PLAGL2: variants seen among roughly 807,000 people sequenced by gnomAD.
PLAGL2 encodes zinc finger protein PLAGL2.
Under a neutral mutation model 29.0 loss-of-function variants are expected in PLAGL2, and 7 were observed. That is an observed-to-expected ratio of 0.24 (90% CI 0.14 to 0.45). The LOEUF (loss-of-function observed/expected upper bound fraction) is 0.45. PLAGL2 is among the 20% of genes least tolerant of loss of function. The pLI is 0.99. For missense variants in PLAGL2, 454 were observed against 648.2 expected (o/e 0.70, Z 3.25); for synonymous variants, 234 against 266.0 (o/e 0.88, Z 1.17).
In PLAGL2 at chr20:32,196,434, T is replaced by TGAG; in HGVS notation, c.*15_*17dup. 4.1e-6 allele frequency: 6 copies of TGAG among 1,452,880 alleles called. No homozygotes were observed. Among genetic ancestry groups the TGAG allele is most frequent in the Non-Finnish European group, 5.4e-6 (6 of 1,101,046 alleles). 90.0% of individuals were successfully genotyped at this position (1,452,880 alleles called of 1,614,324 possible). On this transcript the variant is annotated 3_prime_UTR_variant, in exon 3 of 3. Transcript: ENST00000246229. ...TCCATAACAGAGCCAAAAACTGAGC[T>TGAG]GAGGGCCTCTGTGGGGGCTACTGGA...
In PLAGL2 at chr20:32,197,674, G is replaced by T. The variant is rs760510966; in HGVS notation, c.269C>A (p.Ala90Asp). 8 of 1,613,004 alleles carry T rather than the reference G, an allele frequency of 5.0e-6. No individual in the cohort carries two copies. In the African/African-American group the frequency reaches 1.1e-4, roughly 22 times the overall value. ...ASKYKLYRHMATHSAQKPHQC... is the reference protein window; with the variant it reads ...ASKYKLYRHMDTHSAQKPHQC... The stretch of plus-strand genomic sequence containing the variant: ...GTGGGGTTTCTGGGCTGAGTGGGTG[G>T]CCATGTGCCTGGGGGTAGAGACAGG... The change falls in exon 3 of 3, where the codon GCC (alanine) becomes GAC (aspartate). Residue 90 changes from alanine to aspartate, a missense_variant. By Grantham distance (126) the Ala-to-Asp change is moderately radical (BLOSUM62 -2). Around this residue, in one of 4 missense-constraint regions of PLAGL2, gnomAD observed 111 missense variants for 173.1 expected, o/e 0.64. Coordinates refer to ENST00000246229, the MANE Select transcript of PLAGL2 (RefSeq NM_002657.3). The surrounding 1 kb of genome is among the most constrained non-coding windows in gnomAD (Gnocchi z 6.6).
chr20:32,203,987 G>T (rs2047273081), intron 1 of PLAGL2, among the ~76,000 whole-genome samples: 1 of 152,152 alleles, frequency 6.6e-6, no homozygotes, highest in Admixed American at 6.5e-5. Flanking sequence ...ATATGTGCCT[G>T]CTTCACTATA....
In PLAGL2 at chr20:32,202,088, C is replaced by T; in HGVS notation, c.91G>A (p.Gly31Ser). 6.2e-7 allele frequency: 1 copy of T among 1,614,226 alleles called. No homozygotes were observed. The highest frequency in any genetic ancestry group is 8.5e-7 in the Non-Finnish European group (1 of 1,180,032). Residue 31 changes from glycine (G) to serine (S), a missense_variant, in exon 2 of 3, where the codon GGC becomes AGC. By Grantham distance (56) the Gly-to-Ser change is moderately conservative (BLOSUM62 0). Around this residue, in one of 4 missense-constraint regions of PLAGL2, gnomAD observed 89 missense variants for 90.4 expected, o/e 0.98. Transcript: ENST00000246229. The stretch of plus-strand genomic sequence containing the variant: ...TTCACTTGACTCTCCGCCTCCCGGC[C>T]CCGAGGCCTGGGAACTAGTTTCCAG... ...VGWKLVPRPRGREAESQVKCQ... is the reference protein window; with the variant it reads ...VGWKLVPRPRSREAESQVKCQ...
At chr20:32,206,471 G>A (rs2047287944) in intron 1 of PLAGL2, among the ~76,000 whole-genome samples, 1 of 152,148 alleles carries the variant, frequency 6.6e-6, no homozygotes, top group African/African-American at 2.4e-5. Flanking sequence ...CTCCTGGGGA[G>A]GCCTTGAACA....
In PLAGL2 at chr20:32,196,801, G is replaced by A. The variant is rs1466973337; in HGVS notation, c.1142C>T (p.Ser381Leu). Reference protein sequence around the residue: ...SLSSAEPQPASPQPAAAAALL... With the variant: ...SLSSAEPQPALPQPAAAAALL... Reference sequence around the variant, plus strand: ...GGCCGCAGCTGCCGCCGGCTGAGGTGAGGCGGGCTGGGGTTCAGCGGATGA... The same window carrying A: ...GGCCGCAGCTGCCGCCGGCTGAGGTAAGGCGGGCTGGGGTTCAGCGGATGA... The change falls in exon 3 of 3, where the codon TCA (serine) becomes TTA (leucine). Residue 381 changes from serine (S) to leucine (L), a missense_variant. Ser to Leu is a moderately radical substitution (Grantham distance 145). Coordinates refer to ENST00000246229, the MANE Select transcript of PLAGL2 (RefSeq NM_002657.3). The A allele has an allele frequency of 4.3e-6, 7 of 1,612,480 alleles. No homozygotes were observed. Among genetic ancestry groups the A allele is most frequent in the Non-Finnish European group, 4.2e-6 (5 of 1,178,888 alleles).
In PLAGL2 at chr20:32,196,601, G is replaced by T; in HGVS notation, c.1342C>A (p.Pro448Thr). 1 of 1,535,810 alleles carries T rather than the reference G, an allele frequency of 6.5e-7. No homozygotes were observed. Among genetic ancestry groups the T allele is most frequent in the Non-Finnish European group, 8.7e-7 (1 of 1,145,430 alleles). The change falls in exon 3 of 3, where the codon CCC becomes ACC. Residue 448 changes from proline to threonine, a missense_variant. Coordinates refer to ENST00000246229, the MANE Select transcript of PLAGL2 (RefSeq NM_002657.3). ...VMGYSQAEAQ[P>T]LLTTLQAQPQ... ...TGAGCTTGCAAAGTGGTAAGCAGGG[G>T]CTGTGCCTCAGCCTGGGAGTAGCCC...
chr20:32,207,533 G>A (rs2047296173), intron 1 of PLAGL2, 108 bp downstream of exon 1: 1 of 152,680 alleles, frequency 6.5e-6, no homozygotes, highest in Non-Finnish European at 1.5e-5. Flanking sequence ...CGCGCTGAGG[G>A]GCCCGAGATG....
intron 1 of PLAGL2, among the ~76,000 whole-genome samples, chr20:32,204,389 T>TC (rs2047275229): frequency 6.6e-6 from 1 of 152,134 alleles, no homozygotes; most frequent in African/African-American, 2.4e-5. Flanking sequence ...GACACAATAG[T>TC]TTAGTAGGCT....
intron 2 of PLAGL2, among the ~76,000 whole-genome samples, chr20:32,199,625 A>G (rs551761375): frequency 3.1e-4 from 47 of 152,196 alleles, no homozygotes; most frequent in Non-Finnish European, 6.0e-4. Flanking sequence ...GCTTGAGGCC[A>G]GGAATTTGAG....
At chr20:32,198,405 G>C (rs943921219) in intron 2 of PLAGL2, among the ~76,000 whole-genome samples, 4 of 152,214 alleles carry the variant, frequency 2.6e-5, no homozygotes, top group African/African-American at 9.6e-5. Flanking sequence ...CTATGGGAGG[G>C]TGAGGCAGGA....
chr20:32,201,108 T>C (rs1367988119), intron 2 of PLAGL2, among the ~76,000 whole-genome samples: 3 of 152,222 alleles, frequency 2.0e-5, no homozygotes, highest in Non-Finnish European at 2.9e-5. Flanking sequence ...GAAGAGGCAC[T>C]GCAGGACCTC....
Position 32,194,445 on chromosome 20 carries a change from C to T in PLAGL2, c.*2007G>A, listed in dbSNP as rs2047217461. 1 of 152,600 alleles carries T rather than the reference C, an allele frequency of 6.6e-6. No homozygotes were observed. The highest frequency in any genetic ancestry group is 2.1e-4 in the South Asian group (1 of 4,830). 9.5% of individuals were successfully genotyped at this position (152,600 alleles called of 1,614,324 possible). On this transcript the variant is annotated 3_prime_UTR_variant, in exon 3 of 3. Coordinates refer to ENST00000246229, the MANE Select transcript of PLAGL2 (RefSeq NM_002657.3). The stretch of plus-strand genomic sequence containing the variant: ...AATTTTTAGAAGCAAATCATCTAGT[C>T]TGATTCTAACCTTGCCAGACATTTT...
chr20:32,199,406 G>A (rs1323736190), intron 2 of PLAGL2, among the ~76,000 whole-genome samples: 2 of 152,290 alleles, frequency 1.3e-5, no homozygotes, highest in Admixed American at 1.3e-4. Flanking sequence ...TTGCAGGTGA[G>A]GAAACTGAGG....
Position 32,194,463 on chromosome 20 carries a change from G to C in PLAGL2, c.*1989C>G, listed in dbSNP as rs1569136309. 1 of 152,590 alleles carries C rather than the reference G, an allele frequency of 6.6e-6. No individual in the cohort carries two copies. The highest frequency in any genetic ancestry group is 1.9e-4 in the East Asian group (1 of 5,202). The allele number at this position is 152,590 out of a possible 1,614,324, so 9.5% of individuals were successfully genotyped here. On this transcript the variant is annotated 3_prime_UTR_variant, in exon 3 of 3. Transcript: ENST00000246229. ...ATCTAGTCTGATTCTAACCTTGCCA[G>C]ACATTTTAATATCTGGTGTTTTTAA...
At position 32,202,302 on chromosome 20, in the gene PLAGL2, C is replaced by G. The variant is rs968224932; in HGVS notation, c.-114-10G>C. The G allele has an allele frequency of 8.5e-6, 8 of 938,124 alleles. No homozygotes were observed. In the African/African-American group the frequency reaches 1.2e-4, roughly 14 times the overall value. The allele number at this position is 938,124 out of a possible 1,614,324, so 58.1% of individuals were successfully genotyped here. On this transcript the variant is annotated splice_polypyrimidine_tract_variant and intron_variant, in intron 1 of 2. Transcript: ENST00000246229. ...AAAACAATCTCTTCACCTGAAACATCAGAACACCTGGTGTTAGGGAGCCCA... is the reference window on the plus strand; with the variant it reads ...AAAACAATCTCTTCACCTGAAACATGAGAACACCTGGTGTTAGGGAGCCCA...
rs768748333 is a variant in PLAGL2, at chr20:32,197,590, T to C, written c.353A>G (p.Gln118Arg). Residue 118 changes from glutamine to arginine, a missense_variant, in exon 3 of 3, where the codon CAG becomes CGG. Coordinates refer to ENST00000246229, the MANE Select transcript of PLAGL2 (RefSeq NM_002657.3). The surrounding 1 kb of genome is among the most constrained non-coding windows in gnomAD (Gnocchi z 6.6). The part of the protein sequence containing the change: ...HRKDHLRNHL[Q>R]THDPNKEALH... The stretch of plus-strand genomic sequence containing the variant: ...GGCCTCTTTGTTAGGATCATGGGTC[T>C]GCAGATGGTTCCGCAGATGGTCCTT... 32 of 1,614,094 alleles carry C rather than the reference T, an allele frequency of 2.0e-5. No homozygotes were observed. In the Admixed American group the frequency reaches 5.3e-4, roughly 27 times the overall value.
rs1415984877 is a variant in PLAGL2, at chr20:32,192,842, T to C, written c.*3610A>G. ...GTCTCAGGAGTTCTAGTGCCAAAGG[T>C]GGAGAGGTGCAAGTGGGAACAATCA... On this transcript the variant is annotated 3_prime_UTR_variant, in exon 3 of 3. Transcript: ENST00000246229. The C allele has an allele frequency of 6.6e-6, 1 of 152,262 alleles. No individual in the cohort carries two copies. Among genetic ancestry groups the C allele is most frequent in the African/African-American group, 2.4e-5 (1 of 41,358 alleles). 9.4% of individuals were successfully genotyped at this position (152,262 alleles called of 1,614,324 possible). A position where few individuals can be genotyped will look rare whatever the true frequency, so the allele number is the denominator to read the frequency against.
At position 32,197,565 on chromosome 20, in the gene PLAGL2, G is replaced by A; in HGVS notation, c.378C>T (p.Ala126=). Residue 126 remains alanine (A), a synonymous_variant, in exon 3 of 3, where the codon GCC becomes GCT. Coordinates refer to ENST00000246229, the MANE Select transcript of PLAGL2 (RefSeq NM_002657.3). This position sits in a 1 kb window ranked among gnomAD's most constrained non-coding sequence, Gnocchi z 6.6. ...HLQTHDPNKE[A]LHCSECGKNY... Reference sequence around the variant, plus strand: ...TCTTACCGCACTCAGAGCAGTGGAGGGCCTCTTTGTTAGGATCATGGGTCT... The same window carrying A: ...TCTTACCGCACTCAGAGCAGTGGAGAGCCTCTTTGTTAGGATCATGGGTCT... 1 of 1,614,242 alleles carries A rather than the reference G, an allele frequency of 6.2e-7. No homozygotes were observed. Among genetic ancestry groups the A allele is most frequent in the Non-Finnish European group, 8.5e-7 (1 of 1,180,042 alleles).
intron 1 of PLAGL2, among the ~76,000 whole-genome samples, chr20:32,205,488 C>T (rs1042494980): frequency 6.6e-6 from 1 of 152,150 alleles, no homozygotes; most frequent in Non-Finnish European, 1.5e-5. Flanking sequence ...GGAATGCTTG[C>T]TAAAAACTCT....
Sources: allele counts gnomAD v4.1 joint callset (sites outside exome capture counted in the v4.1 genomes callset), GRCh38; gene constraint gnomAD v4.1.1; regional missense constraint gnomAD v4.1.1; non-coding constraint Gnocchi (gnomAD v3.1); transcripts MANE v1.5; gene names NCBI Gene and HGNC (gene_info 2026-07-23, HGNC 2026-07-21).